Variants in LRRTM4 observed in about 807,000 individuals in gnomAD.
LRRTM4 encodes the protein leucine-rich repeat transmembrane neuronal protein 4.
A neutral mutation model predicts 47.6 loss-of-function variants in LRRTM4; 25 were observed. The observed-to-expected ratio is 0.53, with a 90% CI of 0.38 to 0.73. The LOEUF (loss-of-function observed/expected upper bound fraction) is 0.73, where lower values mean the gene tolerates loss of function less well. LRRTM4 is among the 30% of genes least tolerant of loss of function. The pLI, the probability that LRRTM4 is intolerant of heterozygous loss-of-function variation, is 0.00. For missense variants in LRRTM4, 638 were observed against 713.4 expected (o/e 0.89, Z 1.20); for synonymous variants, 311 against 269.5 (o/e 1.15, Z -1.51).
intron 3 of LRRTM4, among the ~76,000 whole-genome samples, chr2:77,251,893 G>A (rs190145580): frequency 2.0e-5 from 3 of 152,250 alleles, no homozygotes; most frequent in African/African-American, 7.2e-5. Flanking sequence ...TGGGTGGGTG[G>A]TGGTGATCAC....
chr2:76,928,090 G>A (rs933066458), intron 3 of LRRTM4, among the ~76,000 whole-genome samples: 1 of 152,074 alleles, frequency 6.6e-6, no homozygotes, highest in Non-Finnish European at 1.5e-5. Context: ...CTTTACATGA[G>A]ACATATAATA....
intron 3 of LRRTM4, among the ~76,000 whole-genome samples, chr2:77,457,430 C>A (rs1200152573): frequency 1.3e-5 from 2 of 151,980 alleles, no homozygotes; most frequent in Non-Finnish European, 2.9e-5. Flanking sequence ...ACACCTCTAA[C>A]CCCATTACTT....
intron 3 of LRRTM4, among the ~76,000 whole-genome samples, chr2:77,110,862 C>T (rs1671229542): frequency 6.6e-6 from 1 of 152,114 alleles, no homozygotes; most frequent in African/African-American, 2.4e-5. Context: ...TTATCTCTGG[C>T]AGTGAATTGT....
chr2:77,075,406 G>C (rs957307646), intron 3 of LRRTM4, among the ~76,000 whole-genome samples: 1 of 152,060 alleles, frequency 6.6e-6, no homozygotes, highest in African/African-American at 2.4e-5. Context: ...ATAAAACCTT[G>C]GCTTTATATG....
chr2:76,929,583 C>T (rs1674699976), intron 3 of LRRTM4, among the ~76,000 whole-genome samples: 2 of 152,076 alleles, frequency 1.3e-5, no homozygotes, highest in Admixed American at 6.6e-5. Flanking sequence ...GTGAGAAAGT[C>T]TAAATATCCT....
intron 3 of LRRTM4, among the ~76,000 whole-genome samples, chr2:76,925,269 C>A (rs528714445): frequency 3.3e-5 from 5 of 152,246 alleles, no homozygotes; most frequent in African/African-American, 1.2e-4. Flanking sequence ...GTATTGTGAA[C>A]TGCCCAGGGA....
At chr2:76,833,742 A>G (rs1209328347) in intron 3 of LRRTM4, among the ~76,000 whole-genome samples, 1 of 151,886 alleles carries the variant, frequency 6.6e-6, no homozygotes, top group Non-Finnish European at 1.5e-5. Flanking sequence ...CTCAATGTAA[A>G]ACATGTGAAA....
At chr2:76,758,287 A>G (rs1045467533) in intron 3 of LRRTM4, among the ~76,000 whole-genome samples, 3 of 152,172 alleles carry the variant, frequency 2.0e-5, no homozygotes, top group African/African-American at 7.2e-5. Context: ...GTAAAAGTGA[A>G]ATGAAATTCA....
chr2:77,179,899 T>C (rs1456811258), intron 3 of LRRTM4, among the ~76,000 whole-genome samples: 1 of 151,226 alleles, frequency 6.6e-6, no homozygotes. Context: ...AGAAACAACA[T>C]AGTTAATCAG....
chr2:77,269,106 A>C (rs1238022531), intron 3 of LRRTM4, among the ~76,000 whole-genome samples: 1 of 152,002 alleles, frequency 6.6e-6, no homozygotes, highest in Non-Finnish European at 1.5e-5. Context: ...ATCTCAGCTG[A>C]AATTTTATTT....
At chr2:76,836,034 A>C (rs1671501730) in intron 3 of LRRTM4, among the ~76,000 whole-genome samples, 1 of 151,956 alleles carries the variant, frequency 6.6e-6, no homozygotes, top group Non-Finnish European at 1.5e-5. Flanking sequence ...AGTATATGTC[A>C]CAATGTTGGG....
At chr2:76,891,836 T>C (rs1219336202) in intron 3 of LRRTM4, among the ~76,000 whole-genome samples, 1 of 151,544 alleles carries the variant, frequency 6.6e-6, no homozygotes, top group Non-Finnish European at 1.5e-5. Context: ...TCAATTCGGA[T>C]GCAAAAAAGA....
chr2:76,916,384 C>CAAAAAAAAAAAAAA (rs57874749), intron 3 of LRRTM4, among the ~76,000 whole-genome samples: 7 of 53,500 alleles, frequency 1.3e-4, no homozygotes, highest in East Asian at 7.3e-4. Flanking sequence ...GACTGTGTCT[C>CAAAAAAAAAAAAAA]AAAAAAAAAA....
intron 3 of LRRTM4, among the ~76,000 whole-genome samples, chr2:77,114,894 C>G (rs1411776755): frequency 1.3e-5 from 2 of 152,142 alleles, no homozygotes; most frequent in African/African-American, 2.4e-5. Flanking sequence ...TGATGAGGGT[C>G]TATGTCCCGC....
intron 3 of LRRTM4, among the ~76,000 whole-genome samples, chr2:77,244,663 A>G (rs1573132831): frequency 1.3e-5 from 2 of 152,258 alleles, no homozygotes; most frequent in Admixed American, 1.3e-4. Flanking sequence ...GTTCATAAGA[A>G]ATAAAATGTG....
intron 3 of LRRTM4, among the ~76,000 whole-genome samples, chr2:77,411,321 G>A (rs976384874): frequency 1.3e-5 from 2 of 152,012 alleles, no homozygotes; most frequent in Admixed American, 6.6e-5. Flanking sequence ...CTTACATCTT[G>A]CCCCAGGATA....
At chr2:77,050,684 T>C (rs1005518830) in intron 3 of LRRTM4, among the ~76,000 whole-genome samples, 4 of 152,174 alleles carry the variant, frequency 2.6e-5, no homozygotes, top group Admixed American at 6.6e-5. Context: ...TATTGCAAAA[T>C]ACATCCTTCA....
intron 3 of LRRTM4, among the ~76,000 whole-genome samples, chr2:76,782,634 C>T (rs376791751): frequency 2.0e-5 from 3 of 152,126 alleles, no homozygotes; most frequent in African/African-American, 7.2e-5. Flanking sequence ...CTGCACGGGT[C>T]TGTGCTTTTT....
intron 3 of LRRTM4, among the ~76,000 whole-genome samples, chr2:76,802,327 T>TAACA (rs1389579399): frequency 1.3e-5 from 2 of 151,648 alleles, no homozygotes; most frequent in Non-Finnish European, 2.9e-5. Context: ...TTATATATAC[T>TAACA]AACAACAAAC....
Sources: gnomAD v4.1 joint callset for allele counts (sites outside exome capture counted in the v4.1 genomes callset) on GRCh38, gnomAD v4.1.1 for gene constraint, MANE v1.5 for transcripts, NCBI Gene and HGNC (gene_info 2026-07-23, HGNC 2026-07-21) for gene names.